The following STAU2 variants were observed in gnomAD, a reference collection of about 807,000 sequenced individuals.
STAU2 encodes the protein staufen double-stranded RNA binding protein 2, also known as double-stranded RNA-binding protein Staufen homolog 2.
Under a neutral mutation model 65.9 loss-of-function variants are expected in STAU2, and 20 were observed. That is an observed-to-expected ratio of 0.30 (90% CI 0.21 to 0.44). The LOEUF is 0.44. STAU2 is among the 20% of genes least tolerant of loss of function. The pLI, the probability that STAU2 is intolerant of heterozygous loss-of-function variation, is 1.00. For synonymous variants in STAU2, 232 were observed against 233.9 expected, an observed-to-expected ratio of 0.99 and a Z score of 0.07; for missense variants, 558 against 683.9, an observed-to-expected ratio of 0.82 and a Z score of 2.05.
At chr8:73,695,228 G>C (rs557768498) in intron 4 of STAU2, among the ~76,000 whole-genome samples, 26 of 152,252 alleles carry the variant, frequency 1.7e-4, no homozygotes, top group African/African-American at 6.0e-4. Flanking sequence ...GGAGAGGAGA[G>C]TGAAGAAAAA....
chr8:73,621,202 T>C (rs555661974), intron 6 of STAU2, among the ~76,000 whole-genome samples: 1 of 152,280 alleles, frequency 6.6e-6, no homozygotes, highest in South Asian at 2.1e-4. Flanking sequence ...GGAGGTTAAG[T>C]GAATCATGGG....
chr8:73,559,793 C>T (rs1808062546), intron 12 of STAU2, among the ~76,000 whole-genome samples: 1 of 152,164 alleles, frequency 6.6e-6, no homozygotes, highest in South Asian at 2.1e-4. Context: ...TCTTCTTTTA[C>T]ACACAGCTCA....
chr8:73,512,240 A>C (rs1182404067), intron 13 of STAU2, among the ~76,000 whole-genome samples: 1 of 152,068 alleles, frequency 6.6e-6, no homozygotes, highest in Admixed American at 6.6e-5. Flanking sequence ...GTCTCTTTGC[A>C]TTTCCATACA....
chr8:73,719,548 A>G (rs912283555), intron 3 of STAU2, among the ~76,000 whole-genome samples: 1 of 152,098 alleles, frequency 6.6e-6, no homozygotes, highest in Non-Finnish European at 1.5e-5. Flanking sequence ...TTATCAAATG[A>G]TTTTTCTGCA....
chr8:73,592,560 A>G (rs906465506), intron 11 of STAU2, among the ~76,000 whole-genome samples: 9 of 152,136 alleles, frequency 5.9e-5, no homozygotes, highest in African/African-American at 2.2e-4. Flanking sequence ...ACTTCTACCA[A>G]ATAATTAAGA....
At chr8:73,530,564 C>T (rs904465190) in intron 13 of STAU2, among the ~76,000 whole-genome samples, 2 of 152,168 alleles carry the variant, frequency 1.3e-5, no homozygotes, top group Non-Finnish European at 2.9e-5. Context: ...GCTGACATAT[C>T]ACTCCCTGGT....
chr8:73,534,662 G>A (rs997728571), intron 13 of STAU2, among the ~76,000 whole-genome samples: 3 of 152,212 alleles, frequency 2.0e-5, no homozygotes, highest in African/African-American at 7.2e-5. Flanking sequence ...TAAATTACAA[G>A]ATATATAATT....
chr8:73,600,061 C>A (rs1422874338), intron 10 of STAU2, among the ~76,000 whole-genome samples: 2 of 152,194 alleles, frequency 1.3e-5, no homozygotes, highest in African/African-American at 4.8e-5. Flanking sequence ...AGCCACCACG[C>A]CCAGCCTCCA....
intron 6 of STAU2, among the ~76,000 whole-genome samples, chr8:73,670,795 AAGCACC>A (rs149392862): frequency 6.6e-6 from 1 of 152,344 alleles, no homozygotes; most frequent in Non-Finnish European, 1.5e-5. Flanking sequence ...ACCATAACAA[AAGCACC>A]AGCAAATATC....
At chr8:73,544,350 A>T (rs1025100576) in intron 13 of STAU2, among the ~76,000 whole-genome samples, 2 of 152,114 alleles carry the variant, frequency 1.3e-5, no homozygotes, top group African/African-American at 4.8e-5. Flanking sequence ...TGTCTAGTTC[A>T]TCTTGTACAC....
chr8:73,446,424 T>C (rs1359188359), intron 13 of STAU2, among the ~76,000 whole-genome samples: 2 of 152,116 alleles, frequency 1.3e-5, no homozygotes, highest in East Asian at 3.9e-4. Context: ...CAACATAAGG[T>C]GTGTTCTACT....
intron 4 of STAU2, among the ~76,000 whole-genome samples, chr8:73,698,933 A>AG (rs954247802): frequency 2.2e-4 from 32 of 146,602 alleles, no homozygotes; most frequent in East Asian, 1.9e-3. Flanking sequence ...TAAAAAAAAA[A>AG]AAAGAGAGAG....
intron 7 of STAU2, 100 bp from the exon 8 acceptor site, chr8:73,615,882 C>A: frequency 2.3e-6 from 2 of 857,368 alleles, no homozygotes; most frequent in South Asian, 1.5e-5. Flanking sequence ...CAAGAAGAAA[C>A]AACAAACTAT....
intron 13 of STAU2, among the ~76,000 whole-genome samples, chr8:73,460,461 C>A (rs10112982): frequency 6.6e-6 from 1 of 152,022 alleles, no homozygotes; most frequent in African/African-American, 2.4e-5. Flanking sequence ...CATTTGACGA[C>A]ATCTAGCTTA....
At chr8:73,592,233 G>T (rs1002916357) in intron 11 of STAU2, among the ~76,000 whole-genome samples, 1 of 151,008 alleles carries the variant, frequency 6.6e-6, no homozygotes, top group Non-Finnish European at 1.5e-5. Context: ...AGAAGAAAAA[G>T]AGAAAAGAAA....
At chr8:73,636,629 G>C (rs981508703) in intron 6 of STAU2, among the ~76,000 whole-genome samples, 32 of 152,198 alleles carry the variant, frequency 2.1e-4, no homozygotes, top group Non-Finnish European at 4.0e-4. Context: ...TTGGTAGGCT[G>C]GGGTGGGTGG....
intron 6 of STAU2, among the ~76,000 whole-genome samples, chr8:73,635,634 G>A (rs1814436920): frequency 6.6e-6 from 1 of 151,970 alleles, no homozygotes; most frequent in African/African-American, 2.4e-5. Context: ...AGACCAGCCT[G>A]GCCAATATGG....
chr8:73,621,974 T>A (rs1417162148), intron 6 of STAU2, among the ~76,000 whole-genome samples: 1 of 139,780 alleles, frequency 7.2e-6, no homozygotes. Flanking sequence ...TTTTTTTTCC[T>A]GAGACGAAGT....
chr8:73,629,625 A>G (rs1330064924), intron 6 of STAU2, among the ~76,000 whole-genome samples: 1 of 152,214 alleles, frequency 6.6e-6, no homozygotes, highest in African/African-American at 2.4e-5. Flanking sequence ...ATAGTCTCAG[A>G]TTATTGACAG....
Sources: gnomAD v4.1 joint callset for allele counts (sites outside exome capture counted in the v4.1 genomes callset) on GRCh38, gnomAD v4.1.1 for gene constraint, MANE v1.5 for transcripts, NCBI Gene and HGNC (gene_info 2026-07-23, HGNC 2026-07-21) for gene names.